The following IL4R variants were observed in gnomAD, a reference collection of about 807,000 sequenced individuals.
IL4R encodes the protein interleukin-4 receptor subunit alpha.
IL4R carries 17 observed loss-of-function variants against 41.5 expected under a neutral mutation model. The ratio of observed to expected loss-of-function variants is 0.41; its 90% CI spans 0.28 to 0.61. IL4R has a LOEUF of 0.61. IL4R is among the 20% of genes least tolerant of loss of function. The pLI, the probability that IL4R is intolerant of heterozygous loss-of-function variation, is 0.31. For synonymous variants in IL4R, 402 were observed against 422.9 expected (o/e 0.95, Z 0.61); for missense variants, 974 against 1,043.1 (o/e 0.93, Z 0.91).
intron 10 of IL4R, chr16:27,361,170 A>C: frequency 2.5e-5 from 13 of 516,380 alleles, no homozygotes; most frequent in South Asian, 3.4e-5. Flanking sequence ...ACAGGATCTC[A>C]CTCTGTGGCC....
At position 27,342,075 on chromosome 16, in the gene IL4R, C is replaced by T. The variant is rs376961404; in HGVS notation, c.71-46C>T. On this transcript the variant is annotated intron_variant, in intron 3 of 10. Transcript: ENST00000395762. ...CCTGTTTGGGTGCAAGTCCCCCTCA[C>T]GCATTGAGTTCCTGGGCCGCTCAGG... 162 of 1,603,128 alleles carry T rather than the reference C, an allele frequency of 1.0e-4. 1 individual carries two copies. The African/African-American group carries it at 1.7e-3, about 17-fold the overall frequency.
rs2086418732 is a variant in IL4R, at chr16:27,364,173, C to T, written c.*343C>T. 8.2e-6 allele frequency: 2 copies of T among 244,260 alleles called. No homozygotes were observed. The highest frequency in any genetic ancestry group is 2.1e-4 in the South Asian group (2 of 9,702). The allele number at this position is 244,260 out of a possible 1,614,324, so 15.1% of individuals were successfully genotyped here. Reference sequence around the variant, plus strand: ...CCACAGCTTCTGCAGCAGACTGTCCCTGTTGTAACTGCCCAAGGCATGTTT... The same window carrying T: ...CCACAGCTTCTGCAGCAGACTGTCCTTGTTGTAACTGCCCAAGGCATGTTT... On this transcript the variant is annotated 3_prime_UTR_variant, in exon 11 of 11. Coordinates refer to ENST00000395762, the MANE Select transcript of IL4R (RefSeq NM_000418.4).
chr16:27,329,292 T>C (rs968097810), intron 1 of IL4R, among the ~76,000 whole-genome samples: 1 of 152,146 alleles, frequency 6.6e-6, no homozygotes, highest in Non-Finnish European at 1.5e-5. Context: ...ATTAAACCTC[T>C]TTTCTTTGTA....
At chr16:27,348,413 G>A (rs542761090) in intron 6 of IL4R, among the ~76,000 whole-genome samples, 17 of 152,196 alleles carry the variant, frequency 1.1e-4, no homozygotes, top group Non-Finnish European at 2.5e-4. Context: ...AGAGTCCAAA[G>A]ATATGTTATT....
rs3024573 is a variant in IL4R at position 27,346,737 on chromosome 16, A to T, written c.513+119A>T. 3.9e-3 allele frequency: 4,285 copies of T among 1,104,974 alleles called. 65 individuals are homozygous for T. The highest frequency in any genetic ancestry group is 0.038 in the African/African-American group (2,423 of 64,524). The allele number at this position is 1,104,974 out of a possible 1,614,324, so 68.4% of individuals were successfully genotyped here. ...GGCAAGCCCTGGGGCTGGATAGCAA[A>T]TCCCAGGAGCTAGAGACCTGGCTTC... On this transcript the variant is annotated intron_variant, in intron 6 of 10. Coordinates refer to ENST00000395762, the MANE Select transcript of IL4R (RefSeq NM_000418.4).
At position 27,333,207 on chromosome 16, in the gene IL4R, T is replaced by A. The variant is rs553095769; in HGVS notation, c.-19+3009T>A. 1.1e-4 allele frequency among the ~76,000 whole-genome samples: 16 copies of A among 152,096 alleles called. No individual in the cohort carries two copies. In the South Asian group the frequency reaches 3.3e-3, roughly 32 times the overall value. On this transcript the variant is annotated intron_variant, in intron 2 of 10. Coordinates refer to ENST00000395762, the MANE Select transcript of IL4R (RefSeq NM_000418.4). Reference sequence around the variant, plus strand: ...TATGACCTCGGGTGACTCTTTTTTTTTTTTTAAGTTGCTGCTTCACCATTG... The same window carrying A: ...TATGACCTCGGGTGACTCTTTTTTTATTTTTAAGTTGCTGCTTCACCATTG...
chr16:27,358,704 C>T (rs2086180121), intron 8 of IL4R, among the ~76,000 whole-genome samples: 1 of 152,182 alleles, frequency 6.6e-6, no homozygotes, highest in Non-Finnish European at 1.5e-5. Flanking sequence ...CACTCCACCT[C>T]CTTGGGCCTC....
intron 5 of IL4R, among the ~76,000 whole-genome samples, chr16:27,346,055 C>T (rs906266300): frequency 2.6e-5 from 4 of 151,638 alleles, no homozygotes; most frequent in African/African-American, 9.7e-5. Context: ...TTTGCCTTCA[C>T]TGTAGAAAGG....
chr16:27,343,686 C>T (rs1221886274), intron 4 of IL4R, among the ~76,000 whole-genome samples: 4 of 152,178 alleles, frequency 2.6e-5, no homozygotes. Flanking sequence ...CCTCAGCGTC[C>T]CAAAGTGCTG....
chr16:27,344,979 A>G lies in IL4R; in HGVS notation c.320A>G (p.Gln107Arg). ...TATACACTGGACCTGTGGGCTGGGC[A>G]GCAGCTGCTGTGGAAGGGCTCCTTC... Reference protein sequence around the residue: ...DNYTLDLWAGQQLLWKGSFKP... With the variant: ...DNYTLDLWAGRQLLWKGSFKP... The change falls in exon 5 of 11, where the codon CAG (glutamine) becomes CGG (arginine). Residue 107 changes from glutamine to arginine, a missense_variant. This residue lies in a region of IL4R where 284 missense variants were observed against 313.4 expected (regional missense o/e 0.91). Coordinates refer to ENST00000395762, the MANE Select transcript of IL4R (RefSeq NM_000418.4). 5 of 1,613,642 alleles carry G rather than the reference A, an allele frequency of 3.1e-6. No individual in the cohort carries two copies. Among genetic ancestry groups the G allele is most frequent in the Non-Finnish European group, 4.2e-6 (5 of 1,179,872 alleles).
At chr16:27,344,794 G>A (rs1320248001) in intron 4 of IL4R, 75 bp from the exon 5 acceptor site, 3 of 1,431,084 alleles carry the variant, frequency 2.1e-6, no homozygotes, top group Non-Finnish European at 2.9e-6. Context: ...GGTTCCTGGA[G>A]GCATGTCCCG....
Position 27,363,728 on chromosome 16 carries a change from A to G in IL4R, c.2376A>G (p.Ser792=), listed in dbSNP as rs199986458. 89 of 1,613,620 alleles carry G rather than the reference A, an allele frequency of 5.5e-5. 1 individual carries two copies. In the Admixed American group the frequency reaches 1.5e-3, roughly 27 times the overall value. ...GCATCTCAGAGAAGAGTAAATCCTC[A>G]TCATCCTTCCATCCTGCCCCTGGCA... ...PSGISEKSKS[S]SSFHPAPGNA... Residue 792 remains serine (S), a synonymous_variant, in exon 11 of 11, where the codon TCA becomes TCG. Coordinates refer to ENST00000395762, the MANE Select transcript of IL4R (RefSeq NM_000418.4).
intron 1 of IL4R, among the ~76,000 whole-genome samples, chr16:27,324,216 C>T (rs1466700977): frequency 2.0e-5 from 3 of 152,208 alleles, no homozygotes; most frequent in Admixed American, 1.3e-4. Context: ...GGCCATTGTC[C>T]GCTGCTCAGG....
chr16:27,356,303 G>A (rs2086078109), intron 8 of IL4R, among the ~76,000 whole-genome samples: 1 of 152,018 alleles, frequency 6.6e-6, no homozygotes, highest in African/African-American at 2.4e-5. Flanking sequence ...ATGTTGGTCA[G>A]GCTGGTCTCG....
At chr16:27,335,526 C>T (rs1334832950) in intron 2 of IL4R, among the ~76,000 whole-genome samples, 1 of 152,100 alleles carries the variant, frequency 6.6e-6, no homozygotes, top group Non-Finnish European at 1.5e-5. Flanking sequence ...CACCACACTG[C>T]ACCCGGCCTC....
At chr16:27,322,835 A>G (rs192079200) in intron 1 of IL4R, among the ~76,000 whole-genome samples, 2 of 152,334 alleles carry the variant, frequency 1.3e-5, no homozygotes, top group East Asian at 3.9e-4. Context: ...GTTAAAAACA[A>G]CAGCAGCCTT....
intron 1 of IL4R, among the ~76,000 whole-genome samples, chr16:27,325,002 G>T (rs903903075): frequency 6.6e-6 from 1 of 151,872 alleles, no homozygotes; most frequent in Non-Finnish European, 1.5e-5. Context: ...CCCCCTCTTC[G>T]CCAGCTCTCA....
In IL4R at chr16:27,319,755, G is replaced by A. The variant is rs182683132; in HGVS notation, c.-152+5735G>A. On this transcript the variant is annotated intron_variant, in intron 1 of 10. Coordinates refer to ENST00000395762, the MANE Select transcript of IL4R (RefSeq NM_000418.4). The stretch of plus-strand genomic sequence containing the variant: ...TCTGTATTTACAGCTGCTCCCCATC[G>A]CTCGCATTACCACCCAAGCTCGGCC... Among the ~76,000 whole-genome samples, 272 of 152,224 alleles carry A rather than the reference G, an allele frequency of 1.8e-3. 1 individual carries two copies. The highest frequency in any genetic ancestry group is 3.1e-3 in the Non-Finnish European group (209 of 68,008).
intron 10 of IL4R, among the ~76,000 whole-genome samples, chr16:27,362,018 G>A (rs893314988): frequency 6.6e-6 from 1 of 152,154 alleles, no homozygotes; most frequent in Non-Finnish European, 1.5e-5. Flanking sequence ...ATCTGAGCTT[G>A]TATTTGGTGC....
Sources: allele counts gnomAD v4.1 joint callset (sites outside exome capture counted in the v4.1 genomes callset), GRCh38; gene constraint gnomAD v4.1.1; regional missense constraint gnomAD v4.1.1; transcripts MANE v1.5; gene names NCBI Gene and HGNC (gene_info 2026-07-23, HGNC 2026-07-21).